TNKS: variants seen among roughly 807,000 people sequenced by gnomAD.
The protein encoded by TNKS is tankyrase.
TNKS carries 72 observed loss-of-function variants against 135.8 expected under a neutral mutation model. The observed-to-expected ratio is 0.53, with a 90% CI of 0.44 to 0.64. The LOEUF (loss-of-function observed/expected upper bound fraction) is 0.64, where lower values mean the gene tolerates loss of function less well. Ranked by LOEUF, TNKS falls within the 30% of genes least tolerant of loss-of-function variation. The pLI is 0.00. For synonymous variants in TNKS, 849 were observed against 649.3 expected, an observed-to-expected ratio of 1.31 and a Z score of -4.68; for missense variants, 1,769 against 1,674.0, an observed-to-expected ratio of 1.06 and a Z score of -0.99.
intron 3 of TNKS, among the ~76,000 whole-genome samples, chr8:9,660,616 C>G (rs1368848125): frequency 6.6e-6 from 1 of 152,082 alleles, no homozygotes; most frequent in Non-Finnish European, 1.5e-5. Flanking sequence ...TATGACAAAC[C>G]CACAGCCAAT....
At chr8:9,650,643 C>T (rs1305672685) in intron 3 of TNKS, among the ~76,000 whole-genome samples, 2 of 152,092 alleles carry the variant, frequency 1.3e-5, no homozygotes, top group Non-Finnish European at 2.9e-5. Context: ...ATGTCCTTTG[C>T]CCACTTTTTG....
chr8:9,687,093 G>A (rs1362907912), intron 5 of TNKS, among the ~76,000 whole-genome samples: 20 of 152,172 alleles, frequency 1.3e-4, no homozygotes, highest in Admixed American at 1.2e-3. Context: ...AAGAAAGGAA[G>A]TGTTAGCATT....
chr8:9,765,831 C>T, intron 24 of TNKS, 34 bp downstream of exon 24: 2 of 1,579,728 alleles, frequency 1.3e-6, no homozygotes, highest in Non-Finnish European at 8.7e-7. Context: ...GGACGTCTCC[C>T]TGGGCCTTTG....
intron 1 of TNKS, among the ~76,000 whole-genome samples, chr8:9,569,076 G>C (rs1185539041): frequency 6.6e-6 from 1 of 151,544 alleles, no homozygotes; most frequent in African/African-American, 2.4e-5. Context: ...CATCAGAAAA[G>C]TATTTTAGAA....
At chr8:9,772,274 T>G in intron 26 of TNKS, 11 of 410,702 alleles carry the variant, frequency 2.7e-5, no homozygotes, top group South Asian at 1.9e-4. Flanking sequence ...GGGGGAGGAG[T>G]AATTATATAT....
chr8:9,646,994 A>G (rs1800942442), intron 3 of TNKS, among the ~76,000 whole-genome samples: 1 of 152,222 alleles, frequency 6.6e-6, no homozygotes, highest in Non-Finnish European at 1.5e-5. Context: ...TAGCAGAGCA[A>G]AGATGGCTAA....
chr8:9,757,624 G>A (rs1018376004), intron 20 of TNKS, among the ~76,000 whole-genome samples: 1 of 152,010 alleles, frequency 6.6e-6, no homozygotes, highest in African/African-American at 2.4e-5. Flanking sequence ...TCACCTTCAC[G>A]AGAGTTCTCT....
At chr8:9,575,518 A>G (rs1797913676) in intron 1 of TNKS, 2 of 668,436 alleles carry the variant, frequency 3.0e-6, no homozygotes, top group Non-Finnish European at 3.7e-6. Flanking sequence ...ATTTCAACTC[A>G]CACCATAGTT....
intron 26 of TNKS, 47 bp downstream of exon 26, chr8:9,770,309 A>T (rs145270100): frequency 1.3e-6 from 2 of 1,570,472 alleles, no homozygotes; most frequent in Admixed American, 1.8e-5. Context: ...AAACATGTCA[A>T]TAGAGCACAG....
Position 9,567,516 on chromosome 8 carries a change from C to T in TNKS, c.673+10904C>T, listed in dbSNP as rs576904515. Among the ~76,000 whole-genome samples, 11 of 152,274 alleles carry T rather than the reference C, an allele frequency of 7.2e-5. No homozygotes were observed. The East Asian group carries it at 7.7e-4, about 11-fold the overall frequency. On this transcript the variant is annotated intron_variant, in intron 1 of 26. Transcript: ENST00000310430. ...CTGCAAGCTCTGCCTCCCGGGTTCA[C>T]GCCATTCTCCTGCCTCAGCCTCCCG...
chr8:9,601,273 C>T (rs1378701221), intron 2 of TNKS, among the ~76,000 whole-genome samples: 1 of 152,004 alleles, frequency 6.6e-6, no homozygotes, highest in African/African-American at 2.4e-5. Context: ...ACATATAAAT[C>T]TATTTACATA....
At position 9,556,244 on chromosome 8, in the gene TNKS, C is replaced by A; in HGVS notation, c.305C>A (p.Ala102Asp). Residue 102 changes from alanine (A) to aspartate (D), a missense_variant, in exon 1 of 27, where the codon GCT becomes GAT. Ala to Asp is a moderately radical substitution (Grantham distance 126). This residue lies in a region of TNKS where 450 missense variants were observed against 304.9 expected (regional missense o/e 1.48). Coordinates refer to ENST00000310430, the MANE Select transcript of TNKS (RefSeq NM_003747.3). ...TTSTICTVAA[A>D]PVVPAVSTSS... Reference sequence around the variant, plus strand: ...AGCACAATCTGTACCGTCGCCGCCGCTCCCGTGGTCCCAGCGGTTTCTACT... The same window carrying A: ...AGCACAATCTGTACCGTCGCCGCCGATCCCGTGGTCCCAGCGGTTTCTACT... 1 of 1,614,248 alleles carries A rather than the reference C, an allele frequency of 6.2e-7. No homozygotes were observed. Among genetic ancestry groups the A allele is most frequent in the Non-Finnish European group, 8.5e-7 (1 of 1,180,040 alleles).
chr8:9,766,451 GT>G (rs1807451247), intron 25 of TNKS, 26 bp downstream of exon 25: 3 of 1,411,000 alleles, frequency 2.1e-6, no homozygotes, highest in Admixed American at 4.7e-5. Flanking sequence ...TTAGTGTAAC[GT>G]TTCCCACCCC....
intron 26 of TNKS, among the ~76,000 whole-genome samples, chr8:9,773,513 A>G (rs1808058275): frequency 6.6e-6 from 1 of 152,120 alleles, no homozygotes; most frequent in Non-Finnish European, 1.5e-5. Flanking sequence ...TCTTTACCAT[A>G]TGTTTTAAAT....
intron 21 of TNKS, 127 bp from the exon 22 acceptor site, chr8:9,763,020 A>G: frequency 2.4e-6 from 1 of 417,468 alleles, no homozygotes. Flanking sequence ...TTCAAATTGC[A>G]GATAGTTTAG....
In TNKS at chr8:9,778,744, T is replaced by A. The variant is rs1277372204; in HGVS notation, c.*2008T>A. 6.6e-6 allele frequency: 1 copy of A among 152,424 alleles called. No homozygotes were observed. Among genetic ancestry groups the A allele is most frequent in the African/African-American group, 2.4e-5 (1 of 41,440 alleles). 9.4% of individuals were successfully genotyped at this position (152,424 alleles called of 1,614,324 possible). On this transcript the variant is annotated 3_prime_UTR_variant, in exon 27 of 27. Transcript: ENST00000310430. ...TTGAAGAAATTGCCATCTGTGTAGT[T>A]TTCAGTAGCTGTCAAGTGTGTCTTA...
chr8:9,717,443 C>T (rs1207060692), intron 11 of TNKS, among the ~76,000 whole-genome samples: 15 of 151,940 alleles, frequency 9.9e-5, no homozygotes, highest in African/African-American at 3.6e-4. Context: ...CAATATTAAG[C>T]AATTCTATAA....
chr8:9,582,466 A>C (rs1210403851), intron 2 of TNKS, among the ~76,000 whole-genome samples: 2 of 152,202 alleles, frequency 1.3e-5, no homozygotes, highest in Non-Finnish European at 2.9e-5. Context: ...TGTGGGGTAG[A>C]ATAGCAAATA....
At chr8:9,741,152 A>G (rs1332745884) in intron 17 of TNKS, 1 of 152,326 alleles carries the variant, frequency 6.6e-6, no homozygotes, top group African/African-American at 2.4e-5. Context: ...TTACACATGT[A>G]TATCATTTGG....
Sources: allele counts gnomAD v4.1 joint callset (sites outside exome capture counted in the v4.1 genomes callset), GRCh38; gene constraint gnomAD v4.1.1; regional missense constraint gnomAD v4.1.1; transcripts MANE v1.5; gene names NCBI Gene and HGNC (gene_info 2026-07-23, HGNC 2026-07-21).